The following PTPN1 variants were observed in gnomAD, a reference collection of about 807,000 sequenced individuals.
The protein encoded by PTPN1 is tyrosine-protein phosphatase non-receptor type 1.
A neutral mutation model predicts 59.9 loss-of-function variants in PTPN1; 12 were observed. That is an observed-to-expected ratio of 0.20 (90% CI 0.13 to 0.32). The LOEUF is 0.32. Among genes scored for constraint, PTPN1 ranks in the 10% least tolerant of loss-of-function variants. The pLI is 1.00. For synonymous variants in PTPN1, 178 were observed against 203.6 expected, an observed-to-expected ratio of 0.87 and a Z score of 1.07; for missense variants, 356 against 549.2, an observed-to-expected ratio of 0.65 and a Z score of 3.52.
intron 1 of PTPN1, among the ~76,000 whole-genome samples, chr20:50,524,197 G>A (rs566614514): frequency 6.6e-6 from 1 of 152,116 alleles, no homozygotes; most frequent in African/African-American, 2.4e-5. Flanking sequence ...GATAGTGAAG[G>A]CATCTGTGTA....
chr20:50,536,337 G>A (rs752617148), intron 1 of PTPN1, among the ~76,000 whole-genome samples: 8 of 152,046 alleles, frequency 5.3e-5, no homozygotes, highest in Non-Finnish European at 1.2e-4. Context: ...GTTGCCAGGC[G>A]GTGTGCTGAT....
At position 50,584,303 on chromosome 20, in the gene PTPN1, A is replaced by T. The variant is rs2082886090; in HGVS notation, c.*1588A>T. On this transcript the variant is annotated 3_prime_UTR_variant, in exon 10 of 10. Coordinates refer to ENST00000371621, the MANE Select transcript of PTPN1 (RefSeq NM_002827.4). The stretch of plus-strand genomic sequence containing the variant: ...AAGGCTTAGGTGCCAGGCTGTAAGC[A>T]TTCTGAGCTGGGCTTGTTGTTTTTA... 1 of 152,540 alleles carries T rather than the reference A, an allele frequency of 6.6e-6. No homozygotes were observed. Among genetic ancestry groups the T allele is most frequent in the Non-Finnish European group, 1.5e-5 (1 of 68,082 alleles). 9.4% of individuals were successfully genotyped at this position (152,540 alleles called of 1,614,324 possible).
rs2122811564 is a variant in PTPN1, at chr20:50,582,995, G to C, written c.*280G>C. 2.0e-6 allele frequency: 1 copy of C among 495,898 alleles called. No individual in the cohort carries two copies. The highest frequency in any genetic ancestry group is 3.2e-5 in the East Asian group (1 of 31,642). The allele number at this position is 495,898 out of a possible 1,614,324, so 30.7% of individuals were successfully genotyped here. On this transcript the variant is annotated 3_prime_UTR_variant, in exon 10 of 10. Coordinates refer to ENST00000371621, the MANE Select transcript of PTPN1 (RefSeq NM_002827.4). This position sits in a 1 kb window ranked among gnomAD's most constrained non-coding sequence, Gnocchi z 4.2. ...CCATGCTGGCGGCGCAGAGGGAAGGGGCCTACACCCGTCTTGGGGCTCGCC... is the reference window on the plus strand; with the variant it reads ...CCATGCTGGCGGCGCAGAGGGAAGGCGCCTACACCCGTCTTGGGGCTCGCC...
intron 1 of PTPN1, among the ~76,000 whole-genome samples, chr20:50,539,187 C>T (rs2082637858): frequency 6.6e-6 from 1 of 151,614 alleles, no homozygotes; most frequent in Admixed American, 6.6e-5. Context: ...AGTCACGTGC[C>T]ACCACCCCTG....
chr20:50,580,255 C>T (rs900065903), intron 8 of PTPN1, among the ~76,000 whole-genome samples: 4 of 152,220 alleles, frequency 2.6e-5, no homozygotes, highest in Non-Finnish European at 5.9e-5. Context: ...GGTTTCCGGA[C>T]AGTCCTGAAA....
intron 1 of PTPN1, among the ~76,000 whole-genome samples, chr20:50,558,681 G>A (rs985684802): frequency 9.9e-5 from 15 of 152,076 alleles, no homozygotes; most frequent in Non-Finnish European, 1.9e-4. Context: ...TCAGTTTCCT[G>A]GATTTCAGGT....
intron 4 of PTPN1, among the ~76,000 whole-genome samples, chr20:50,569,963 C>T (rs890743611): frequency 1.3e-5 from 2 of 152,332 alleles, no homozygotes; most frequent in East Asian, 3.9e-4. Context: ...CCAGCAGGAG[C>T]GTGTGGCCCA....
intron 1 of PTPN1, among the ~76,000 whole-genome samples, chr20:50,522,955 G>A (rs894221334): frequency 1.3e-4 from 20 of 150,354 alleles, no homozygotes; most frequent in Admixed American, 4.0e-4. Flanking sequence ...TAGTAGAGAT[G>A]GGGTTTCATC....
intron 1 of PTPN1, among the ~76,000 whole-genome samples, chr20:50,559,680 C>T (rs2082742882): frequency 6.6e-6 from 1 of 151,736 alleles, no homozygotes; most frequent in African/African-American, 2.4e-5. Context: ...ATTTCTTCTA[C>T]TTATATTTGA....
chr20:50,557,429 C>T (rs759971795), intron 1 of PTPN1, among the ~76,000 whole-genome samples: 5 of 152,060 alleles, frequency 3.3e-5, no homozygotes, highest in Non-Finnish European at 5.9e-5. Flanking sequence ...ATACATTATT[C>T]GAGACCATTA....
chr20:50,572,510 A>G (rs2082815640), intron 4 of PTPN1: 1 of 152,236 alleles, frequency 6.6e-6, no homozygotes, highest in South Asian at 2.1e-4. Flanking sequence ...ACAGAGGGTT[A>G]TTAAGCATTA....
chr20:50,511,299 T>TAC (rs2082506244), intron 1 of PTPN1, among the ~76,000 whole-genome samples: 1 of 151,922 alleles, frequency 6.6e-6, no homozygotes, highest in African/African-American at 2.4e-5. Flanking sequence ...CCTAACGGGG[T>TAC]ACAGGGTGAC....
rs1345217842 is a variant in PTPN1, at chr20:50,584,941, C to T, written c.*2226C>T. ...CATTGCCAGCACCCTCAGGCTGGAG[C>T]GCTTTCCTTGACTGTGAGCTTGTTG... On this transcript the variant is annotated 3_prime_UTR_variant, in exon 10 of 10. Coordinates refer to ENST00000371621, the MANE Select transcript of PTPN1 (RefSeq NM_002827.4). 1 of 152,178 alleles carries T rather than the reference C, an allele frequency of 6.6e-6. No homozygotes were observed. The highest frequency in any genetic ancestry group is 2.4e-5 in the African/African-American group (1 of 41,440). The allele number at this position is 152,178 out of a possible 1,614,324, so 9.4% of individuals were successfully genotyped here. A position where few individuals can be genotyped will look rare whatever the true frequency, so the allele number is the denominator to read the frequency against.
At chr20:50,527,067 C>G (rs557639817) in intron 1 of PTPN1, among the ~76,000 whole-genome samples, 2 of 152,294 alleles carry the variant, frequency 1.3e-5, no homozygotes, top group East Asian at 3.9e-4. Context: ...CGCTCCTGAC[C>G]CCTTCCCATC....
intron 2 of PTPN1, among the ~76,000 whole-genome samples, chr20:50,564,722 T>C (rs527600423): frequency 6.6e-6 from 1 of 152,190 alleles, no homozygotes; most frequent in East Asian, 1.9e-4. Context: ...AGATAGGACA[T>C]GATCCATGTT....
Position 50,529,362 on chromosome 20 carries a change from G to A in PTPN1, c.63+18772G>A, listed in dbSNP as rs144198591. ...GATTTTTCAAGTTGCAGGAAGCAAA[G>A]CTCTTGTTAGCTATGATTTTGTGGT... On this transcript the variant is annotated intron_variant, in intron 1 of 9. Coordinates refer to ENST00000371621, the MANE Select transcript of PTPN1 (RefSeq NM_002827.4). 8.6e-3 allele frequency among the ~76,000 whole-genome samples: 1,308 copies of A among 152,320 alleles called. 8 individuals carry two copies. Among genetic ancestry groups the A allele is most frequent in the Non-Finnish European group, 0.013 (895 of 68,024 alleles).
At chr20:50,537,402 A>G (rs1054727814) in intron 1 of PTPN1, among the ~76,000 whole-genome samples, 12 of 152,186 alleles carry the variant, frequency 7.9e-5, no homozygotes, top group African/African-American at 2.4e-4. Flanking sequence ...TAGTTCCCCC[A>G]TCCACTGCCC....
chr20:50,525,564 T>C (rs2122729320), intron 1 of PTPN1, among the ~76,000 whole-genome samples: 1 of 152,298 alleles, frequency 6.6e-6, no homozygotes, highest in South Asian at 2.1e-4. Context: ...TTTTTCCTGT[T>C]TCTAATTCTA....
chr20:50,578,688 T>G lies in PTPN1; in HGVS notation c.702+59T>G. On this transcript the variant is annotated intron_variant, in intron 6 of 9. Transcript: ENST00000371621. ...CCTCTACCTGCTCTGCTGTGATGTT[T>G]TTTCCTAAGTAGAAACTGAAGCGCT... 2.1e-6 allele frequency: 3 copies of G among 1,433,670 alleles called. No individual in the cohort carries two copies. In the South Asian group the frequency reaches 3.8e-5, roughly 18 times the overall value. The allele number at this position is 1,433,670 out of a possible 1,614,324, so 88.8% of individuals were successfully genotyped here.
Sources: allele counts gnomAD v4.1 joint callset (sites outside exome capture counted in the v4.1 genomes callset), GRCh38; gene constraint gnomAD v4.1.1; non-coding constraint Gnocchi (gnomAD v3.1); transcripts MANE v1.5; gene names NCBI Gene and HGNC (gene_info 2026-07-23, HGNC 2026-07-21).